SLC4A4: variants seen among roughly 807,000 people sequenced by gnomAD.
SLC4A4 encodes solute carrier family 4 member 4.
A neutral mutation model predicts 111.5 loss-of-function variants in SLC4A4; 27 were observed. The observed-to-expected ratio is 0.24, with a 90% confidence interval of 0.18 to 0.33. SLC4A4 has a LOEUF of 0.33. Ranked by LOEUF, SLC4A4 falls within the 10% of genes least tolerant of loss-of-function variation. SLC4A4 has a pLI of 1.00. For synonymous variants in SLC4A4, 443 were observed against 463.4 expected (o/e 0.96, Z 0.57); for missense variants, 909 against 1,315.5 (o/e 0.69, Z 4.78).
chr4:71,168,177 CT>C (rs777092928), intron 2 of SLC4A4, among the ~76,000 whole-genome samples: 6,772 of 106,128 alleles, frequency 0.064, 97 homozygotes, highest in African/African-American at 0.17. Flanking sequence ...CAATTATACT[CT>C]TTTTTTTTTT....
intron 3 of SLC4A4, among the ~76,000 whole-genome samples, chr4:71,321,685 G>T (rs1037702862): frequency 6.6e-6 from 1 of 151,906 alleles, no homozygotes; most frequent in East Asian, 1.9e-4. Flanking sequence ...GGCAAAGAAG[G>T]CAAAAGAGAG....
intron 2 of SLC4A4, among the ~76,000 whole-genome samples, chr4:71,161,456 T>C (rs1483688076): frequency 6.6e-6 from 1 of 152,198 alleles, no homozygotes; most frequent in Admixed American, 6.5e-5. Flanking sequence ...GAGTTGATGG[T>C]TCACTAGACT....
intron 1 of SLC4A4, among the ~76,000 whole-genome samples, chr4:71,204,792 A>G (rs915893427): frequency 1.3e-5 from 2 of 152,220 alleles, no homozygotes; most frequent in Non-Finnish European, 2.9e-5. Flanking sequence ...GGAATAATGA[A>G]TATAGACCAT....
chr4:71,501,678 T>C lies in SLC4A4; in HGVS notation c.2166+3986T>C, dbSNP rs139511808. Among the ~76,000 whole-genome samples the C allele has an allele frequency of 5.8e-3, 879 of 152,108 alleles. 15 individuals carry two copies. The highest frequency in any genetic ancestry group is 0.02 in the African/African-American group (820 of 41,534). On this transcript the variant is annotated intron_variant, in intron 16 of 25. Transcript: ENST00000264485. ...AATATTTTTTGTTTGTTTGTTTGTT[T>C]TGAGACAGAGTCCCTCTCTGTCACC...
intron 2 of SLC4A4, among the ~76,000 whole-genome samples, chr4:71,165,668 C>T (rs1327487786): frequency 6.6e-6 from 1 of 152,012 alleles, no homozygotes; most frequent in African/African-American, 2.4e-5. Flanking sequence ...CAAACCTGCA[C>T]ATTCTGCACA....
chr4:71,551,357 A>G (rs771895059), intron 20 of SLC4A4, among the ~76,000 whole-genome samples: 1 of 151,892 alleles, frequency 6.6e-6, no homozygotes, highest in Non-Finnish European at 1.5e-5. Flanking sequence ...ATATGCCACA[A>G]TATGTCACTT....
intron 1 of SLC4A4, among the ~76,000 whole-genome samples, chr4:71,234,097 C>A (rs532326956): frequency 1.9e-4 from 29 of 152,308 alleles, no homozygotes; most frequent in South Asian, 1.2e-3. Flanking sequence ...TGCAAATATT[C>A]ACAGTACTGA....
chr4:71,557,643 T>C, intron 21 of SLC4A4, 69 bp from the exon 22 acceptor site: 1 of 1,431,816 alleles, frequency 7.0e-7, no homozygotes, highest in Non-Finnish European at 9.8e-7. Context: ...AAATCAGTAG[T>C]GATTAGTTAG....
intron 20 of SLC4A4, among the ~76,000 whole-genome samples, chr4:71,550,148 C>T (rs529859509): frequency 1.2e-4 from 19 of 152,004 alleles, no homozygotes; most frequent in Admixed American, 2.0e-4. Flanking sequence ...TTAAGGTTTT[C>T]CCCAAAATGT....
chr4:71,172,389 G>A (rs1744969856), intron 2 of SLC4A4, among the ~76,000 whole-genome samples: 1 of 151,924 alleles, frequency 6.6e-6, no homozygotes, highest in Admixed American at 6.6e-5. Flanking sequence ...CTGAGTAGCT[G>A]GGATTACAGG....
upstream of SLC4A4, among the ~76,000 whole-genome samples, chr4:71,183,571 T>G (rs556520725): frequency 6.6e-6 from 1 of 152,240 alleles, no homozygotes; most frequent in Admixed American, 6.5e-5. Flanking sequence ...GGTGACCTAT[T>G]ATCTATCGAT....
chr4:71,188,220 A>G (rs926260527), intron 1 of SLC4A4, among the ~76,000 whole-genome samples: 4 of 152,246 alleles, frequency 2.6e-5, no homozygotes, highest in African/African-American at 9.6e-5. Flanking sequence ...AAAAGTTCTT[A>G]TAGAACAAAA....
intron 8 of SLC4A4, among the ~76,000 whole-genome samples, chr4:71,442,792 T>C (rs894665994): frequency 2.0e-5 from 3 of 152,148 alleles, no homozygotes; most frequent in African/African-American, 7.2e-5. Flanking sequence ...ATTACTACCA[T>C]GCACCTTCTA....
At chr4:71,196,489 C>G (rs1394242592) in intron 1 of SLC4A4, among the ~76,000 whole-genome samples, 1 of 152,168 alleles carries the variant, frequency 6.6e-6, no homozygotes, top group African/African-American at 2.4e-5. Context: ...CAAACACTTA[C>G]CTATTTTTAT....
chr4:71,301,115 G>A (rs1725217412), intron 3 of SLC4A4: 2 of 373,240 alleles, frequency 5.4e-6, no homozygotes, highest in Non-Finnish European at 1.1e-5. Context: ...TGTCCACATG[G>A]CACAGTGCCA....
At chr4:71,445,773 T>C (rs1725170177) in intron 8 of SLC4A4, among the ~76,000 whole-genome samples, 1 of 152,214 alleles carries the variant, frequency 6.6e-6, no homozygotes. Context: ...AAATATATTT[T>C]GTGCATGTTG....
intron 18 of SLC4A4, among the ~76,000 whole-genome samples, chr4:71,541,751 G>T (rs545663134): frequency 6.6e-6 from 1 of 151,124 alleles, no homozygotes; most frequent in South Asian, 2.1e-4. Flanking sequence ...GAGCTGAGTG[G>T]AAAGGGAAGG....
At chr4:71,173,372 A>T (rs1744995724) in intron 2 of SLC4A4, among the ~76,000 whole-genome samples, 1 of 152,092 alleles carries the variant, frequency 6.6e-6, no homozygotes, top group African/African-American at 2.4e-5. Context: ...ATTATCTTTT[A>T]TTATTAATTA....
At chr4:71,259,894 G>T (rs963576065) in intron 3 of SLC4A4, among the ~76,000 whole-genome samples, 1 of 152,150 alleles carries the variant, frequency 6.6e-6, no homozygotes, top group Non-Finnish European at 1.5e-5. Flanking sequence ...ATCGTGTTCA[G>T]CATTTTGATC....
Sources: gnomAD v4.1 joint callset for allele counts (sites outside exome capture counted in the v4.1 genomes callset) on GRCh38, gnomAD v4.1.1 for gene constraint, MANE v1.5 for transcripts, NCBI Gene and HGNC (gene_info 2026-07-23, HGNC 2026-07-21) for gene names.